The following NDUFAF2 variants were observed in gnomAD, a reference collection of about 807,000 sequenced individuals.
NDUFAF2 encodes the protein NADH dehydrogenase [ubiquinone] 1 alpha subcomplex assembly factor 2.
In NDUFAF2, 13 loss-of-function variants were observed where a neutral mutation model predicts 22.8. The observed-to-expected ratio is 0.57, with a 90% CI of 0.37 to 0.91. NDUFAF2 has a LOEUF of 0.91. NDUFAF2 is among the 40% of genes least tolerant of loss of function. The pLI is 0.01. For missense variants in NDUFAF2, 162 were observed against 195.2 expected (o/e 0.83, Z 1.01); for synonymous variants, 53 against 64.2 (o/e 0.83, Z 0.84).
At chr5:60,968,635 G>T (rs1176429868) in intron 1 of NDUFAF2, among the ~76,000 whole-genome samples, 1 of 151,802 alleles carries the variant, frequency 6.6e-6, no homozygotes, top group Non-Finnish European at 1.5e-5. Flanking sequence ...GAGATATTTT[G>T]ATATAGCTGT....
chr5:61,110,797 T>C (rs1293160330), intron 3 of NDUFAF2, among the ~76,000 whole-genome samples: 1 of 152,068 alleles, frequency 6.6e-6, no homozygotes, highest in Non-Finnish European at 1.5e-5. Context: ...ATTCTTCATA[T>C]TGTTTTCTTC....
intron 1 of NDUFAF2, among the ~76,000 whole-genome samples, chr5:61,047,466 A>T (rs1485395467): frequency 6.6e-6 from 1 of 152,172 alleles, no homozygotes; most frequent in African/African-American, 2.4e-5. Context: ...CTGTCAGCTT[A>T]GCTAGTGTCA....
At chr5:61,092,198 A>G (rs1298939039) in intron 2 of NDUFAF2, among the ~76,000 whole-genome samples, 2 of 152,056 alleles carry the variant, frequency 1.3e-5, no homozygotes, top group Admixed American at 1.3e-4. Flanking sequence ...TTGGCTATTC[A>G]GGCTCTTTTT....
chr5:61,079,458 G>C (rs999485668), intron 2 of NDUFAF2, among the ~76,000 whole-genome samples: 1 of 152,172 alleles, frequency 6.6e-6, no homozygotes. Context: ...AAAACGCTGA[G>C]TTCATAACCC....
At chr5:61,129,666 T>G in intron 3 of NDUFAF2, among the ~76,000 whole-genome samples, 1 of 142,354 alleles carries the variant, frequency 7.0e-6, no homozygotes, top group Non-Finnish European at 1.5e-5. Context: ...GGGGGAGGGA[T>G]AGCATTAGGA....
chr5:61,046,768 A>G (rs1056189897), intron 1 of NDUFAF2, among the ~76,000 whole-genome samples: 33 of 152,292 alleles, frequency 2.2e-4, no homozygotes, highest in African/African-American at 7.7e-4. Context: ...GAATTCATGC[A>G]TACTTATGCT....
intron 1 of NDUFAF2, among the ~76,000 whole-genome samples, chr5:61,048,400 A>T (rs1751982092): frequency 6.6e-6 from 1 of 152,192 alleles, no homozygotes; most frequent in African/African-American, 2.4e-5. Context: ...TGAGTTTAAA[A>T]TGAGGCCACT....
At chr5:61,038,909 T>A (rs1393010943) in intron 1 of NDUFAF2, among the ~76,000 whole-genome samples, 1 of 152,114 alleles carries the variant, frequency 6.6e-6, no homozygotes, top group East Asian at 1.9e-4. Flanking sequence ...CTTCTTTGCA[T>A]GAATGCTTTT....
chr5:61,106,922 C>G (rs1274277806), intron 3 of NDUFAF2, among the ~76,000 whole-genome samples: 1 of 151,110 alleles, frequency 6.6e-6, no homozygotes, highest in African/African-American at 2.5e-5. Context: ...TTTTCTTTAT[C>G]AGTTGATCTG....
At chr5:60,981,719 A>G (rs1253128210) in intron 1 of NDUFAF2, among the ~76,000 whole-genome samples, 3 of 152,184 alleles carry the variant, frequency 2.0e-5, no homozygotes, top group Admixed American at 1.3e-4. Flanking sequence ...GCAGAGCTAT[A>G]TTAACCAAAA....
At chr5:61,026,083 T>C (rs1751645947) in intron 1 of NDUFAF2, among the ~76,000 whole-genome samples, 2 of 152,064 alleles carry the variant, frequency 1.3e-5, no homozygotes, top group South Asian at 4.1e-4. Flanking sequence ...CATGAGGAAA[T>C]TGCAGAAATT....
intron 2 of NDUFAF2, among the ~76,000 whole-genome samples, chr5:61,095,856 C>A (rs997400198): frequency 1.3e-5 from 2 of 152,160 alleles, no homozygotes; most frequent in African/African-American, 4.8e-5. Flanking sequence ...TTTCTTCATT[C>A]TCCAGGGGTC....
intron 1 of NDUFAF2, among the ~76,000 whole-genome samples, chr5:61,015,256 C>G (rs1751491102): frequency 6.6e-6 from 1 of 152,090 alleles, no homozygotes; most frequent in African/African-American, 2.4e-5. Context: ...AAAAATGTTA[C>G]TAAATATAAC....
At chr5:61,113,948 G>T (rs1752876309) in intron 3 of NDUFAF2, among the ~76,000 whole-genome samples, 1 of 151,980 alleles carries the variant, frequency 6.6e-6, no homozygotes, top group Non-Finnish European at 1.5e-5. Context: ...CTACTTTTAG[G>T]ATCCTTTCTT....
At chr5:60,988,725 A>G (rs1751116819) in intron 1 of NDUFAF2, among the ~76,000 whole-genome samples, 1 of 152,206 alleles carries the variant, frequency 6.6e-6, no homozygotes, top group Non-Finnish European at 1.5e-5. Flanking sequence ...CTGGCTAGGT[A>G]TATGTGGAAG....
At chr5:61,088,115 C>T (rs1211472502) in intron 2 of NDUFAF2, among the ~76,000 whole-genome samples, 6 of 152,044 alleles carry the variant, frequency 3.9e-5, no homozygotes, top group African/African-American at 1.4e-4. Context: ...GAGAGCTTCA[C>T]TTTTTCACTG....
chr5:61,108,372 G>A (rs1752794777), intron 3 of NDUFAF2, among the ~76,000 whole-genome samples: 1 of 150,628 alleles, frequency 6.6e-6, no homozygotes, highest in African/African-American at 2.5e-5. Flanking sequence ...GTTGTTTCCT[G>A]ACTTTTTAAT....
At chr5:61,064,144 CAAAG>C (rs913728439) in intron 1 of NDUFAF2, among the ~76,000 whole-genome samples, 6 of 151,882 alleles carry the variant, frequency 4.0e-5, no homozygotes, top group African/African-American at 1.2e-4. Flanking sequence ...TTGCAAGAAA[CAAAG>C]AAGGTCATTA....
intron 1 of NDUFAF2, among the ~76,000 whole-genome samples, chr5:60,990,166 G>A (rs1393710946): frequency 6.7e-6 from 1 of 149,748 alleles, no homozygotes; most frequent in East Asian, 1.9e-4. Context: ...GGGTTCCGGG[G>A]AGGAGTGGAG....
Sources: allele counts gnomAD v4.1 joint callset (sites outside exome capture counted in the v4.1 genomes callset), GRCh38; gene constraint gnomAD v4.1.1; transcripts MANE v1.5; gene names NCBI Gene and HGNC (gene_info 2026-07-23, HGNC 2026-07-21).